Variants in HNF4G observed in about 807,000 individuals in gnomAD.
The protein encoded by HNF4G is hepatocyte nuclear factor 4 gamma.
Under a neutral mutation model 50.9 loss-of-function variants are expected in HNF4G, and 21 were observed. That is an observed-to-expected ratio of 0.41 (90% CI 0.29 to 0.59). The LOEUF (loss-of-function observed/expected upper bound fraction) is 0.59. Ranked by LOEUF, HNF4G falls within the 20% of genes least tolerant of loss-of-function variation. The probability of loss-of-function intolerance (pLI) is 0.26; values close to 1 mark genes in which losing one functional copy is unlikely to be tolerated. For synonymous variants in HNF4G, 198 were observed against 185.6 expected (o/e 1.07, Z -0.54); for missense variants, 527 against 559.4 (o/e 0.94, Z 0.58).
chr8:75,459,535 A>G (rs138933917), intron 1 of HNF4G, among the ~76,000 whole-genome samples: 3 of 152,324 alleles, frequency 2.0e-5, no homozygotes, highest in Non-Finnish European at 4.4e-5. Context: ...TCTTGATGTT[A>G]TAAGTCTTGA....
At chr8:75,552,438 T>A (rs1259713742) in intron 4 of HNF4G, among the ~76,000 whole-genome samples, 1 of 152,168 alleles carries the variant, frequency 6.6e-6, no homozygotes. Flanking sequence ...TTTTATATAG[T>A]CTAAAATTAC....
chr8:75,533,624 G>C (rs554135724), intron 2 of HNF4G, among the ~76,000 whole-genome samples: 3 of 151,798 alleles, frequency 2.0e-5, no homozygotes, highest in African/African-American at 7.2e-5. Context: ...CCAAAAAAAA[G>C]TTCCTTATGG....
chr8:75,435,754 C>T (rs980380416), intron 1 of HNF4G, among the ~76,000 whole-genome samples: 6 of 152,056 alleles, frequency 3.9e-5, no homozygotes, highest in African/African-American at 1.4e-4. Flanking sequence ...CCACCACACC[C>T]AGCTAATTTT....
At chr8:75,472,748 G>A (rs1177279193) in intron 1 of HNF4G, among the ~76,000 whole-genome samples, 2 of 152,110 alleles carry the variant, frequency 1.3e-5, no homozygotes, top group Admixed American at 6.5e-5. Context: ...CACTGTTTTG[G>A]GGGGCTGGAC....
At position 75,421,008 on chromosome 8, in the gene HNF4G, T is replaced by G. The variant is rs145202547; in HGVS notation, c.-144+12846T>G. ...AGTATAATTCAGCCTCATGTGTACTTTTAGTTCTCTTATAGCCACATCGCA... is the reference window on the plus strand; with the variant it reads ...AGTATAATTCAGCCTCATGTGTACTGTTAGTTCTCTTATAGCCACATCGCA... On this transcript the variant is annotated intron_variant, in intron 1 of 10. Transcript: ENST00000354370. Among the ~76,000 whole-genome samples the G allele has an allele frequency of 4.5e-4, 69 of 152,334 alleles. 1 individual carries two copies. The East Asian group carries it at 0.01, about 22-fold the overall frequency.
chr8:75,497,724 T>G (rs1812810955), intron 2 of HNF4G, among the ~76,000 whole-genome samples: 1 of 152,000 alleles, frequency 6.6e-6, no homozygotes, highest in African/African-American at 2.4e-5. Context: ...TGGTTTCATG[T>G]AGCTGCTGAA....
intron 2 of HNF4G, among the ~76,000 whole-genome samples, chr8:75,508,717 G>A (rs932974878): frequency 2.0e-5 from 3 of 152,138 alleles, no homozygotes; most frequent in Admixed American, 1.3e-4. Context: ...CCGTAACCAC[G>A]TAGGCAAACA....
intron 9 of HNF4G, among the ~76,000 whole-genome samples, chr8:75,562,099 A>T (rs1044855253): frequency 6.6e-6 from 1 of 151,676 alleles, no homozygotes; most frequent in Non-Finnish European, 1.5e-5. Context: ...CTTATTGCCT[A>T]CTGAATTTAC....
intron 1 of HNF4G, among the ~76,000 whole-genome samples, chr8:75,459,835 C>T (rs1169892505): frequency 1.3e-5 from 2 of 151,942 alleles, no homozygotes; most frequent in African/African-American, 4.8e-5. Flanking sequence ...TACTCAGAGT[C>T]CAAAAGAGTT....
chr8:75,506,075 A>G (rs1211016619), intron 2 of HNF4G, among the ~76,000 whole-genome samples: 1 of 152,008 alleles, frequency 6.6e-6, no homozygotes, highest in African/African-American at 2.4e-5. Context: ...ACTTTTTAAA[A>G]TGATTATGTC....
chr8:75,467,403 T>C (rs11989914), intron 1 of HNF4G, among the ~76,000 whole-genome samples: 18,601 of 152,224 alleles, frequency 0.12, 1,551 homozygotes, highest in African/African-American at 0.24. Context: ...GGCTCATGCC[T>C]GTAATCCCAA....
intron 2 of HNF4G, among the ~76,000 whole-genome samples, chr8:75,491,751 C>G (rs977160509): frequency 6.6e-6 from 1 of 152,218 alleles, no homozygotes; most frequent in Non-Finnish European, 1.5e-5. Context: ...GCTAAGATTA[C>G]AGGCGTGAGC....
intron 1 of HNF4G, among the ~76,000 whole-genome samples, chr8:75,413,864 T>A (rs1352317226): frequency 2.0e-5 from 3 of 151,394 alleles, no homozygotes; most frequent in Non-Finnish European, 2.9e-5. Context: ...CTAAAAGATT[T>A]AAAAAAAAAT....
chr8:75,435,666 T>C (rs189390337), intron 1 of HNF4G, among the ~76,000 whole-genome samples: 1 of 152,316 alleles, frequency 6.6e-6, no homozygotes, highest in East Asian at 1.9e-4. Context: ...TGATCTGGGC[T>C]CACTGCATCT....
upstream of HNF4G, among the ~76,000 whole-genome samples, chr8:75,407,702 A>G (rs1340214951): frequency 6.6e-6 from 1 of 152,226 alleles, no homozygotes; most frequent in Non-Finnish European, 1.5e-5. Context: ...TTCTCCCAGC[A>G]TATGGTCTAA....
chr8:75,558,443 A>G, intron 6 of HNF4G, 75 bp from the exon 7 acceptor site: 1 of 1,403,470 alleles, frequency 7.1e-7, no homozygotes. Context: ...GGTTTGTTAA[A>G]TTTTAAACAG....
intron 5 of HNF4G, among the ~76,000 whole-genome samples, chr8:75,555,678 G>A (rs1312349098): frequency 6.6e-6 from 1 of 151,106 alleles, no homozygotes; most frequent in East Asian, 1.9e-4. Flanking sequence ...GCCGTGCTGG[G>A]ATTTGAACTC....
At chr8:75,413,710 G>A (rs926000434) in intron 1 of HNF4G, among the ~76,000 whole-genome samples, 1 of 151,876 alleles carries the variant, frequency 6.6e-6, no homozygotes, top group African/African-American at 2.4e-5. Flanking sequence ...AAAAAAATGA[G>A]CATGGGCATG....
chr8:75,547,754 T>C (rs771061320), intron 3 of HNF4G, 73 bp downstream of exon 3: 49 of 927,032 alleles, frequency 5.3e-5, no homozygotes, highest in Non-Finnish European at 7.8e-5. Context: ...TCTCATTGAT[T>C]AGTATAACTT....
Sources: gnomAD v4.1 joint callset for allele counts (sites outside exome capture counted in the v4.1 genomes callset) on GRCh38, gnomAD v4.1.1 for gene constraint, MANE v1.5 for transcripts, NCBI Gene and HGNC (gene_info 2026-07-23, HGNC 2026-07-21) for gene names.